Variants in NSMCE2 observed in about 807,000 individuals in gnomAD.
NSMCE2 encodes E3 SUMO-protein ligase NSE2.
Under a neutral mutation model 23.8 loss-of-function variants are expected in NSMCE2, and 24 were observed. That is an observed-to-expected ratio of 1.01 (90% confidence interval 0.73 to 1.42). NSMCE2 has a LOEUF of 1.42. Among genes scored for constraint, NSMCE2 ranks in the 40% most tolerant of loss-of-function variants. The probability of loss-of-function intolerance (pLI) is 0.00; values close to 1 mark genes in which losing one functional copy is unlikely to be tolerated. For missense variants in NSMCE2, 284 were observed against 296.5 expected (o/e 0.96, Z 0.31); for synonymous variants, 92 against 94.1 (o/e 0.98, Z 0.13).
intron 5 of NSMCE2, among the ~76,000 whole-genome samples, chr8:125,196,362 C>T (rs1430192232): frequency 6.6e-6 from 1 of 152,116 alleles, no homozygotes; most frequent in Admixed American, 6.5e-5. Flanking sequence ...AGCACCCCTA[C>T]TCCCTGACAA....
chr8:125,244,832 A>ACATT (rs1474641387), intron 5 of NSMCE2, among the ~76,000 whole-genome samples: 1 of 152,240 alleles, frequency 6.6e-6, no homozygotes, highest in African/African-American at 2.4e-5. Context: ...GAGTAAATGA[A>ACATT]CATTCGCACA....
At chr8:125,353,622 C>T (rs1164830157) in intron 5 of NSMCE2, among the ~76,000 whole-genome samples, 1 of 152,170 alleles carries the variant, frequency 6.6e-6, no homozygotes, top group Non-Finnish European at 1.5e-5. Context: ...CAGTGGCTCA[C>T]GCCTGTAATC....
At chr8:125,146,357 C>T (rs535060820) in intron 3 of NSMCE2, among the ~76,000 whole-genome samples, 1 of 152,212 alleles carries the variant, frequency 6.6e-6, no homozygotes, top group Non-Finnish European at 1.5e-5. Context: ...GAGCAAGTTA[C>T]TTCAGTTTTC....
intron 4 of NSMCE2, among the ~76,000 whole-genome samples, chr8:125,168,666 C>A (rs1329611611): frequency 6.6e-6 from 1 of 152,176 alleles, no homozygotes; most frequent in Non-Finnish European, 1.5e-5. Context: ...AGGGCTTTGC[C>A]CTCGTGCTCT....
In NSMCE2 at chr8:125,246,244, C is replaced by T. The variant is rs180773088; in HGVS notation, c.418+63988C>T. 6.7e-3 allele frequency among the ~76,000 whole-genome samples: 1,009 copies of T among 151,002 alleles called. 8 individuals carry two copies. Among genetic ancestry groups the T allele is most frequent in the African/African-American group, 0.023 (961 of 41,200 alleles). On this transcript the variant is annotated intron_variant, in intron 5 of 7. Coordinates refer to ENST00000287437, the MANE Select transcript of NSMCE2 (RefSeq NM_173685.4). The stretch of plus-strand genomic sequence containing the variant: ...TATCACCCAGGCTGGAGTGCAATGT[C>T]GCAATCTCGGCTCACTGCAACCTCC...
chr8:125,236,202 G>T (rs1825541347), intron 5 of NSMCE2, among the ~76,000 whole-genome samples: 1 of 152,194 alleles, frequency 6.6e-6, no homozygotes, highest in Admixed American at 6.5e-5. Flanking sequence ...AGGTGGTGAG[G>T]TCAGGGAGTT....
Position 125,121,017 on chromosome 8 carries a change from T to C in NSMCE2, c.157+18530T>C, listed in dbSNP as rs552332758. Among the ~76,000 whole-genome samples the C allele has an allele frequency of 5.3e-5, 8 of 152,352 alleles. No individual in the cohort carries two copies. In the East Asian group the frequency reaches 1.5e-3, roughly 29 times the overall value. ...CACAGTGATTTTCATCACTATTTCA[T>C]TGTATTTCTTAAACTTACTGAAAAA... On this transcript the variant is annotated intron_variant, in intron 3 of 7. Transcript: ENST00000287437.
chr8:125,344,815 A>G (rs1277362106), intron 5 of NSMCE2, among the ~76,000 whole-genome samples: 1 of 152,018 alleles, frequency 6.6e-6, no homozygotes, highest in Non-Finnish European at 1.5e-5. Context: ...ACCTCATGTA[A>G]TGTAAGCATT....
intron 5 of NSMCE2, among the ~76,000 whole-genome samples, chr8:125,265,888 C>G (rs1826889617): frequency 1.3e-5 from 2 of 152,092 alleles, no homozygotes; most frequent in African/African-American, 4.8e-5. Flanking sequence ...TTTGACCTTT[C>G]TGTACTTTTT....
chr8:125,258,959 A>G (rs560159051), intron 5 of NSMCE2, among the ~76,000 whole-genome samples: 2 of 152,200 alleles, frequency 1.3e-5, no homozygotes, highest in African/African-American at 2.4e-5. Context: ...CTGTAGTGCA[A>G]TGGCACGATC....
chr8:125,305,997 AG>A (rs370936553), intron 5 of NSMCE2, among the ~76,000 whole-genome samples: 9 of 152,224 alleles, frequency 5.9e-5, no homozygotes, highest in African/African-American at 1.2e-4. Flanking sequence ...GAGAGTCAAT[AG>A]CCAGGCAATT....
intron 5 of NSMCE2, among the ~76,000 whole-genome samples, chr8:125,199,339 A>C (rs1823764073): frequency 6.6e-6 from 1 of 152,162 alleles, no homozygotes; most frequent in South Asian, 2.1e-4. Context: ...TTTCCTCTGC[A>C]CACTACTTTA....
In NSMCE2 at chr8:125,184,134, A is replaced by G. The variant is rs937499286; in HGVS notation, c.418+1878A>G. Among the ~76,000 whole-genome samples the G allele has an allele frequency of 1.3e-4, 20 of 152,188 alleles. No individual in the cohort carries two copies. The East Asian group carries it at 3.7e-3, about 28-fold the overall frequency. ...TAAACTGTGGCAGACTTAGCATCCA[A>G]TCACAATTCCTGAGTTTTAAGTAAT... On this transcript the variant is annotated intron_variant, in intron 5 of 7. Transcript: ENST00000287437.
chr8:125,223,461 C>G (rs148814239), intron 5 of NSMCE2, among the ~76,000 whole-genome samples: 2 of 152,308 alleles, frequency 1.3e-5, no homozygotes, highest in South Asian at 2.1e-4. Context: ...GCAGAAATCT[C>G]TTTGACATAC....
chr8:125,144,037 A>G (rs1820525343), intron 3 of NSMCE2, among the ~76,000 whole-genome samples: 1 of 152,186 alleles, frequency 6.6e-6, no homozygotes, highest in Non-Finnish European at 1.5e-5. Flanking sequence ...TGTGGACGTG[A>G]TAGGGAAAAG....
chr8:125,330,655 C>T (rs1033959986), intron 5 of NSMCE2, among the ~76,000 whole-genome samples: 3 of 152,148 alleles, frequency 2.0e-5, no homozygotes, highest in African/African-American at 2.4e-5. Context: ...TGCCTAATTA[C>T]GTTTATTTCT....
intron 5 of NSMCE2, among the ~76,000 whole-genome samples, chr8:125,277,423 A>G (rs1827497693): frequency 6.6e-6 from 1 of 152,214 alleles, no homozygotes; most frequent in African/African-American, 2.4e-5. Flanking sequence ...TCAAAAGAAA[A>G]TGGCTTTAAA....
intron 5 of NSMCE2, among the ~76,000 whole-genome samples, chr8:125,315,480 T>C (rs1790663800): frequency 6.6e-6 from 1 of 152,210 alleles, no homozygotes; most frequent in Non-Finnish European, 1.5e-5. Flanking sequence ...ACCTCAGTTT[T>C]CTCATTTATG....
intron 5 of NSMCE2, among the ~76,000 whole-genome samples, chr8:125,296,339 C>T (rs1438389778): frequency 6.6e-6 from 1 of 150,572 alleles, no homozygotes; most frequent in Non-Finnish European, 1.5e-5. Flanking sequence ...CATACCCAAA[C>T]AGGGAAGCAA....
Sources: allele counts gnomAD v4.1 joint callset (sites outside exome capture counted in the v4.1 genomes callset), GRCh38; gene constraint gnomAD v4.1.1; transcripts MANE v1.5; gene names NCBI Gene and HGNC (gene_info 2026-07-23, HGNC 2026-07-21).